Variants in ZNF20 observed in about 807,000 individuals in gnomAD.
ZNF20 encodes the protein zinc finger protein 20.
In ZNF20, 9 loss-of-function variants were observed where a neutral mutation model predicts 11.0. That is an observed-to-expected ratio of 0.82 (90% CI 0.49 to 1.43). ZNF20 has a LOEUF of 1.43. ZNF20 is among the 40% of genes most tolerant of loss of function. ZNF20 has a pLI of 0.00. For missense variants in ZNF20, 528 were observed against 640.8 expected, an observed-to-expected ratio of 0.82 and a Z score of 1.90; for synonymous variants, 182 against 213.0, an observed-to-expected ratio of 0.85 and a Z score of 1.27.
chr19:12,134,047 G>A, intron 3 of ZNF20, 62 bp from the exon 4 acceptor site: 2 of 1,413,288 alleles, frequency 1.4e-6, no homozygotes, highest in South Asian at 2.7e-5. Context: ...TATAGGGCCG[G>A]GCACAGTGGC....
chr19:12,133,817 A>T lies in ZNF20; in HGVS notation c.369T>A (p.His123Gln). 2 of 1,614,158 alleles carry T rather than the reference A, an allele frequency of 1.2e-6. No individual in the cohort carries two copies. The highest frequency in any genetic ancestry group is 1.1e-5 in the South Asian group (1 of 91,080). Residue 123 changes from histidine to glutamine, a missense_variant, in exon 4 of 4, where the codon CAT becomes CAA. Physicochemically the swap from His to Gln is conservative, Grantham distance 24. Coordinates refer to ENST00000334213, the MANE Select transcript of ZNF20 (RefSeq NM_021143.4). ...VGTGHSSLNTHIRADTGHKSS... is the reference protein window; with the variant it reads ...VGTGHSSLNTQIRADTGHKSS... ...ACTTGTGTCCAGTGTCAGCTCTGAT[A>T]TGCGTATTAAGAGATGAATGACCCG... is the stretch of plus-strand genomic sequence containing the variant.
rs1976650166 is a variant in ZNF20, at chr19:12,133,076, C to T, written c.1110G>A (p.Lys370=). The T allele has an allele frequency of 1.2e-6, 2 of 1,614,018 alleles. No individual in the cohort carries two copies. Among genetic ancestry groups the T allele is most frequent in the African/African-American group, 1.3e-5 (1 of 74,924 alleles). Residue 370 remains lysine, a synonymous_variant, in exon 4 of 4, where the codon AAG becomes AAA. Transcript: ENST00000334213. The part of the protein sequence containing the change: ...THTEDKPYGC[K]QCGKGFRCAS... ...CACATCTAAAGCCTTTCCCACACTG[C>T]TTACATCCATAGGGTTTATCCTCAG...
intron 3 of ZNF20, 89 bp downstream of exon 3, chr19:12,135,411 A>AT (rs1976694234): frequency 7.3e-7 from 1 of 1,375,784 alleles, no homozygotes; most frequent in Non-Finnish European, 1.0e-6. Flanking sequence ...AAGTGCTGGG[A>AT]TTACAGGCGT....
chr19:12,132,797 G>T lies in ZNF20; in HGVS notation c.1389C>A (p.Ser463=), dbSNP rs780424478. The change falls in exon 4 of 4, where the codon TCC becomes TCA. Residue 463 remains serine, a synonymous_variant. Transcript: ENST00000334213. The stretch of plus-strand genomic sequence containing the variant: ...TCCTTTCATGATATCGAATGGAACT[G>T]GAACAAGTGAAGGCTTTGCCACATA... ...CKVCGKAFTC[S]SSIRYHERTH... is the part of the protein sequence containing the mutation. 1.7e-5 allele frequency: 28 copies of T among 1,613,648 alleles called. No individual in the cohort carries two copies. Among genetic ancestry groups the T allele is most frequent in the Middle Eastern group, 1.6e-4 (1 of 6,082 alleles).
rs1388611676 is a variant in ZNF20 at position 12,139,484 on chromosome 19, T to C, written c.3+696A>G. Among the ~76,000 whole-genome samples the C allele has an allele frequency of 1.3e-5, 2 of 152,192 alleles. No individual in the cohort carries two copies. The highest frequency in any genetic ancestry group is 2.9e-5 in the Non-Finnish European group (2 of 68,028). On this transcript the variant is annotated intron_variant, in intron 1 of 3. Transcript: ENST00000334213. This position sits in a 1 kb window ranked among gnomAD's most constrained non-coding sequence, Gnocchi z 4.0. ...TTTCTGGTACCAAAACCACAAATCA[T>C]GACTGGGCGTTTCTCACTCATGAAT...
chr19:12,135,925 C>T, intron 1 of ZNF20, 21 bp from the exon 2 acceptor site: 1 of 1,612,286 alleles, frequency 6.2e-7, no homozygotes, highest in Non-Finnish European at 8.5e-7. Context: ...TAAAAGAGGA[C>T]AGGTAAGACT....
In ZNF20 at chr19:12,132,934, T is replaced by G; in HGVS notation, c.1252A>C (p.Thr418Pro). 3 of 1,614,152 alleles carry G rather than the reference T, an allele frequency of 1.9e-6. No individual in the cohort carries two copies. Among genetic ancestry groups the G allele is most frequent in the Non-Finnish European group, 2.5e-6 (3 of 1,180,008 alleles). ...TTACATTCATGGGGCTTCTCTCCAG[T>G]GTGCGTCCTTTCATGTATACGCAAG... Reference protein sequence around the residue: ...SSLRIHERTHTGEKPHECKQC... With the variant: ...SSLRIHERTHPGEKPHECKQC... The change falls in exon 4 of 4, where the codon ACT (threonine) becomes CCT (proline). Residue 418 changes from threonine (T) to proline (P), a missense_variant. Transcript: ENST00000334213.
In ZNF20 at chr19:12,139,835, T is replaced by C. The variant is rs997297947; in HGVS notation, c.3+345A>G. On this transcript the variant is annotated intron_variant, in intron 1 of 3. Transcript: ENST00000334213. This position sits in a 1 kb window ranked among gnomAD's most constrained non-coding sequence, Gnocchi z 4.0. Reference sequence around the variant, plus strand: ...ATGGTCCACCGCGCCCGGCCCAAACTCTTTAACAGAAAAAAAAATCCGCAG... The same window carrying C: ...ATGGTCCACCGCGCCCGGCCCAAACCCTTTAACAGAAAAAAAAATCCGCAG... 1.3e-5 allele frequency among the ~76,000 whole-genome samples: 2 copies of C among 151,730 alleles called. No individual in the cohort carries two copies. Among genetic ancestry groups the C allele is most frequent in the African/African-American group, 4.8e-5 (2 of 41,274 alleles).
chr19:12,136,305 G>A (rs1388798392), intron 1 of ZNF20, among the ~76,000 whole-genome samples: 1 of 152,032 alleles, frequency 6.6e-6, no homozygotes, highest in East Asian at 1.9e-4. Flanking sequence ...GAACCCAGGA[G>A]GTAGAGGTTA....
At position 12,139,177 on chromosome 19, in the gene ZNF20, T is replaced by C. The variant is rs1224419744; in HGVS notation, c.3+1003A>G. The stretch of plus-strand genomic sequence containing the variant: ...GCTATGAAAGGAAATACCTACTCCA[T>C]AGGGCGTAAGCCAAGTAAATGATTT... On this transcript the variant is annotated intron_variant, in intron 1 of 3. Transcript: ENST00000334213. The surrounding 1 kb of genome is among the most constrained non-coding windows in gnomAD (Gnocchi z 4.0). Among the ~76,000 whole-genome samples, 2 of 152,252 alleles carry C rather than the reference T, an allele frequency of 1.3e-5. No homozygotes were observed. The highest frequency in any genetic ancestry group is 2.4e-5 in the African/African-American group (1 of 41,472).
Position 12,131,757 on chromosome 19 carries a change from TAAAC to T in ZNF20, c.*826_*829del, listed in dbSNP as rs1186127340. 1 of 152,258 alleles carries T rather than the reference TAAAC, an allele frequency of 6.6e-6. No homozygotes were observed. Among genetic ancestry groups the T allele is most frequent in the African/African-American group, 2.4e-5 (1 of 41,474 alleles). The allele number at this position is 152,258 out of a possible 1,614,324, so 9.4% of individuals were successfully genotyped here. On this transcript the variant is annotated 3_prime_UTR_variant, in exon 4 of 4. Coordinates refer to ENST00000334213, the MANE Select transcript of ZNF20 (RefSeq NM_021143.4). ...AATAATTGTTAGTATGCAGTTGTTA[TAAAC>T]AGTTAATAAGCTTATTTCTAAAATA...
Position 12,131,386 on chromosome 19 carries a change from A to G in ZNF20, c.*1201T>C, listed in dbSNP as rs563562886. ...TCACGAAATGTGACTATCTTTTAAT[A>G]TCTCACACATCTCACAGTCATCTAT... is the stretch of plus-strand genomic sequence containing the variant. On this transcript the variant is annotated 3_prime_UTR_variant, in exon 4 of 4. Transcript: ENST00000334213. 5.8e-4 allele frequency: 88 copies of G among 152,310 alleles called. No individual in the cohort carries two copies. The highest frequency in any genetic ancestry group is 1.9e-3 in the African/African-American group (81 of 41,562). 9.4% of individuals were successfully genotyped at this position (152,310 alleles called of 1,614,324 possible).
At position 12,131,803 on chromosome 19, in the gene ZNF20, T is replaced by G. The variant is rs1821804607; in HGVS notation, c.*784A>C. 1 of 152,256 alleles carries G rather than the reference T, an allele frequency of 6.6e-6. No homozygotes were observed. 9.4% of individuals were successfully genotyped at this position (152,256 alleles called of 1,614,324 possible). On this transcript the variant is annotated 3_prime_UTR_variant, in exon 4 of 4. Transcript: ENST00000334213. ...TCTAAAATACATGAACAGAAGTATTTGTTGCCAAGAAACCGCATTAGTGTT... is the reference window on the plus strand; with the variant it reads ...TCTAAAATACATGAACAGAAGTATTGGTTGCCAAGAAACCGCATTAGTGTT...
chr19:12,135,461 T>A, intron 3 of ZNF20, 39 bp downstream of exon 3: 1 of 1,604,538 alleles, frequency 6.2e-7, no homozygotes, highest in Non-Finnish European at 8.5e-7. Flanking sequence ...ATTTTAAGAT[T>A]TTCTAGAGGC....
chr19:12,136,341 AC>A (rs1976710938), intron 1 of ZNF20, among the ~76,000 whole-genome samples: 1 of 151,358 alleles, frequency 6.6e-6, no homozygotes, highest in Admixed American at 6.6e-5. Flanking sequence ...GCGTCACTGC[AC>A]TCCGGCCTGG....
intron 1 of ZNF20, among the ~76,000 whole-genome samples, chr19:12,138,403 G>A (rs981950625): frequency 2.8e-5 from 4 of 142,560 alleles, no homozygotes; most frequent in Non-Finnish European, 4.5e-5. Context: ...CCAAGACCAC[G>A]CCACTTCAAT....
chr19:12,136,941 G>A, intron 1 of ZNF20: 2 of 401,520 alleles, frequency 5.0e-6, no homozygotes, highest in Non-Finnish European at 4.9e-6. Flanking sequence ...AGAGTTGCCT[G>A]TTACCGTGAC....
chr19:12,137,021 C>A (rs1272884801), intron 1 of ZNF20: 1 of 285,002 alleles, frequency 3.5e-6, no homozygotes, highest in Non-Finnish European at 7.0e-6. Context: ...AACCCGTACT[C>A]AAGCCGTGTG....
At chr19:12,134,452 G>T (rs1429116941) in intron 3 of ZNF20, among the ~76,000 whole-genome samples, 1 of 152,220 alleles carries the variant, frequency 6.6e-6, no homozygotes, top group Non-Finnish European at 1.5e-5. Context: ...AGATCAGCCT[G>T]GCCAACATGG....
Sources: gnomAD v4.1 joint callset for allele counts (sites outside exome capture counted in the v4.1 genomes callset) on GRCh38, gnomAD v4.1.1 for gene constraint, Gnocchi (gnomAD v3.1) non-coding constraint, MANE v1.5 for transcripts, NCBI Gene and HGNC (gene_info 2026-07-23, HGNC 2026-07-21) for gene names.